TRAPPC9: variants seen among roughly 807,000 people sequenced by gnomAD.
TRAPPC9 encodes IKK2 binding protein.
TRAPPC9 carries 83 observed loss-of-function variants against 124.0 expected under a neutral mutation model. That is an observed-to-expected ratio of 0.67 (90% confidence interval 0.56 to 0.80). The LOEUF (loss-of-function observed/expected upper bound fraction) is 0.80. Ranked by LOEUF, TRAPPC9 falls within the 30% of genes least tolerant of loss-of-function variation. The pLI, the probability that TRAPPC9 is intolerant of heterozygous loss-of-function variation, is 0.00. For missense variants in TRAPPC9, 1,302 were observed against 1,508.3 expected (o/e 0.86, Z 2.27); for synonymous variants, 638 against 617.5 (o/e 1.03, Z -0.49).
At chr8:139,956,537 G>C (rs755381202) in intron 19 of TRAPPC9, among the ~76,000 whole-genome samples, 5 of 152,210 alleles carry the variant, frequency 3.3e-5, no homozygotes, top group African/African-American at 4.8e-5. Flanking sequence ...GCCTACGCCT[G>C]ACCTATTTCT....
At chr8:140,278,153 G>A (rs941110072) in intron 14 of TRAPPC9, among the ~76,000 whole-genome samples, 2 of 151,980 alleles carry the variant, frequency 1.3e-5, no homozygotes, top group Admixed American at 1.3e-4. Context: ...GCTCAGGCTG[G>A]AGAGCAGTGG....
chr8:139,828,476 G>A (rs977294924), intron 21 of TRAPPC9, among the ~76,000 whole-genome samples: 2 of 152,248 alleles, frequency 1.3e-5, no homozygotes, highest in Non-Finnish European at 2.9e-5. Flanking sequence ...GAAGATAACC[G>A]CTCACATTTT....
chr8:140,283,906 G>A lies in TRAPPC9; in HGVS notation c.2097C>T (p.Ile699=), dbSNP rs376768296. The A allele has an allele frequency of 1.2e-6, 2 of 1,614,002 alleles. No homozygotes were observed. The highest frequency in any genetic ancestry group is 3.3e-5 in the Admixed American group (2 of 60,002). ...CACACTACCTGGGCAGAGAGGTGCT[G>A]ATCTGCAGTCTTGGCAACGCGGGAA... ...EVIPALPRLQ[I]STSLPRSAHS... The change falls in exon 14 of 23, where the codon ATC becomes ATT. Residue 699 remains isoleucine, a synonymous_variant. Coordinates refer to ENST00000438773, the MANE Select transcript of TRAPPC9 (RefSeq NM_001160372.4).
intron 7 of TRAPPC9, among the ~76,000 whole-genome samples, chr8:140,376,328 G>A (rs775501368): frequency 5.3e-5 from 8 of 151,884 alleles, no homozygotes; most frequent in African/African-American, 7.3e-5. Context: ...AGGATGAGGT[G>A]GGCAGATCAC....
intron 17 of TRAPPC9, among the ~76,000 whole-genome samples, chr8:140,094,333 C>T: frequency 6.6e-6 from 1 of 152,160 alleles, no homozygotes; most frequent in South Asian, 2.1e-4. Flanking sequence ...CTTGGGTTTC[C>T]AGTAACATGT....
intron 19 of TRAPPC9, among the ~76,000 whole-genome samples, chr8:139,934,352 G>C (rs555137960): frequency 6.6e-6 from 1 of 152,292 alleles, no homozygotes; most frequent in Admixed American, 6.5e-5. Flanking sequence ...CAGGCTACCT[G>C]GCAGGGGTGT....
At chr8:140,262,228 AT>A (rs10719517) in intron 15 of TRAPPC9, among the ~76,000 whole-genome samples, 119,425 of 151,538 alleles carry the variant, frequency 0.79, 47,788 homozygotes, top group African/African-American at 0.94. Context: ...TTTTTTCCTC[AT>A]TTTTTTTTAC....
At chr8:139,989,742 GC>G (rs2131715536) in intron 18 of TRAPPC9, among the ~76,000 whole-genome samples, 1 of 152,230 alleles carries the variant, frequency 6.6e-6, no homozygotes, top group Admixed American at 6.5e-5. Context: ...TGCACTGCCG[GC>G]CTCTCTCTAG....
chr8:140,407,838 T>C (rs2069549739), intron 5 of TRAPPC9, among the ~76,000 whole-genome samples: 1 of 152,146 alleles, frequency 6.6e-6, no homozygotes, highest in African/African-American at 2.4e-5. Flanking sequence ...GCCAAGCTGG[T>C]CTTGAACTCC....
Position 140,176,330 on chromosome 8 carries a change from C to T in TRAPPC9, c.2556+45129G>A, listed in dbSNP as rs577858887. Among the ~76,000 whole-genome samples, 9 of 152,306 alleles carry T rather than the reference C, an allele frequency of 5.9e-5. No homozygotes were observed. In the East Asian group the frequency reaches 1.5e-3, roughly 26 times the overall value. On this transcript the variant is annotated intron_variant, in intron 17 of 22. Coordinates refer to ENST00000438773, the MANE Select transcript of TRAPPC9 (RefSeq NM_001160372.4). Reference sequence around the variant, plus strand: ...TCCTCTCTGGCCATCTAACGTCCCACCCCAAAGCCTCCAGCAACGAGTGAC... The same window carrying T: ...TCCTCTCTGGCCATCTAACGTCCCATCCCAAAGCCTCCAGCAACGAGTGAC...
chr8:140,082,716 A>C (rs1843909233), intron 17 of TRAPPC9, among the ~76,000 whole-genome samples: 1 of 152,186 alleles, frequency 6.6e-6, no homozygotes, highest in Admixed American at 6.5e-5. Flanking sequence ...ATTGTTAAAC[A>C]CGTTCTTTTC....
At chr8:140,280,974 C>T (rs138812037) in intron 14 of TRAPPC9, among the ~76,000 whole-genome samples, 103 of 152,350 alleles carry the variant, frequency 6.8e-4, no homozygotes, top group Non-Finnish European at 1.0e-3. Context: ...CGTGTCCCTT[C>T]GTCCCTTCAT....
chr8:139,854,719 T>A (rs919202227), intron 21 of TRAPPC9, among the ~76,000 whole-genome samples: 2 of 152,254 alleles, frequency 1.3e-5, no homozygotes, highest in African/African-American at 4.8e-5. Flanking sequence ...CTCTGCTTTC[T>A]CTTTCCTGGT....
At chr8:140,387,992 A>G (rs1242934576) in intron 7 of TRAPPC9, among the ~76,000 whole-genome samples, 1 of 152,112 alleles carries the variant, frequency 6.6e-6, no homozygotes, top group African/African-American at 2.4e-5. Context: ...CAACAATGAT[A>G]GACTGGATTA....
intron 20 of TRAPPC9, among the ~76,000 whole-genome samples, chr8:139,890,846 T>TA (rs1440457353): frequency 3.4e-4 from 50 of 148,176 alleles, no homozygotes; most frequent in Non-Finnish European, 1.5e-5. Context: ...TAAAGTATAA[T>TA]AAAAAATAAA....
intron 17 of TRAPPC9, among the ~76,000 whole-genome samples, chr8:140,032,679 A>G (rs1403274823): frequency 6.6e-6 from 1 of 152,228 alleles, no homozygotes; most frequent in African/African-American, 2.4e-5. Flanking sequence ...GTTATTATGA[A>G]CAATGTTATA....
At chr8:140,294,063 C>T (rs1053615731) in intron 11 of TRAPPC9, among the ~76,000 whole-genome samples, 1 of 152,034 alleles carries the variant, frequency 6.6e-6, no homozygotes, top group Non-Finnish European at 1.5e-5. Flanking sequence ...CAGGCTGGCC[C>T]GCCTGCCTGT....
chr8:139,804,601 C>T (rs1231831233), intron 21 of TRAPPC9, among the ~76,000 whole-genome samples: 1 of 128,406 alleles, frequency 7.8e-6, no homozygotes, highest in African/African-American at 3.1e-5. Flanking sequence ...AGCACCACCA[C>T]CACACACAAC....
At chr8:140,272,464 AGTGATG>A (rs1173737553) in intron 15 of TRAPPC9, among the ~76,000 whole-genome samples, 5 of 144,866 alleles carry the variant, frequency 3.5e-5, no homozygotes, top group East Asian at 2.1e-4. Flanking sequence ...TGGCAGTGGT[AGTGATG>A]GTGATGGTGG....
Sources: gnomAD v4.1 joint callset for allele counts (sites outside exome capture counted in the v4.1 genomes callset) on GRCh38, gnomAD v4.1.1 for gene constraint, MANE v1.5 for transcripts, NCBI Gene and HGNC (gene_info 2026-07-23, HGNC 2026-07-21) for gene names.